Variants in ROBO2 observed in about 807,000 individuals in gnomAD.
The protein encoded by ROBO2 is roundabout homolog 2.
Under a neutral mutation model 160.8 loss-of-function variants are expected in ROBO2, and 53 were observed. That is an observed-to-expected ratio of 0.33 (90% CI 0.26 to 0.41). The LOEUF is 0.41. Among genes scored for constraint, ROBO2 ranks in the 10% least tolerant of loss-of-function variants. The pLI is 1.00. For synonymous variants in ROBO2, 664 were observed against 611.7 expected (o/e 1.09, Z -1.26); for missense variants, 1,577 against 1,722.4 (o/e 0.92, Z 1.49).
intron 2 of ROBO2, among the ~76,000 whole-genome samples, chr3:76,943,312 A>C (rs891464193): frequency 6.6e-6 from 1 of 152,114 alleles, no homozygotes; most frequent in Non-Finnish European, 1.5e-5. Context: ...ACTCGTTGCT[A>C]TCTGTTAGTA....
chr3:76,972,074 A>G (rs902369836), intron 2 of ROBO2, among the ~76,000 whole-genome samples: 4 of 152,116 alleles, frequency 2.6e-5, no homozygotes, highest in Admixed American at 2.0e-4. Context: ...TTCTTTTTTC[A>G]GTCTTTAACA....
intron 2 of ROBO2, among the ~76,000 whole-genome samples, chr3:76,853,208 A>T (rs558490731): frequency 2.6e-5 from 4 of 152,192 alleles, no homozygotes; most frequent in South Asian, 4.1e-4. Flanking sequence ...TAATGTTTTT[A>T]AAAAATATTT....
At chr3:75,951,862 C>T (rs1175435974) in intron 2 of ROBO2, among the ~76,000 whole-genome samples, 1 of 151,926 alleles carries the variant, frequency 6.6e-6, no homozygotes, top group Non-Finnish European at 1.5e-5. Flanking sequence ...CCCTTGTGTA[C>T]TTTATAAGTA....
intron 2 of ROBO2, among the ~76,000 whole-genome samples, chr3:76,208,894 C>T (rs1276174162): frequency 1.3e-5 from 2 of 152,060 alleles, no homozygotes; most frequent in Non-Finnish European, 2.9e-5. Context: ...ACAAGCTGAA[C>T]GTGTCTGGCT....
chr3:77,087,672 T>G (rs1259552390), intron 1 of ROBO2, among the ~76,000 whole-genome samples: 1 of 152,038 alleles, frequency 6.6e-6, no homozygotes, highest in African/African-American at 2.4e-5. Context: ...ATCTTCAATA[T>G]TATATATACA....
chr3:77,639,029 C>T (rs964200378), intron 24 of ROBO2, among the ~76,000 whole-genome samples: 1 of 151,746 alleles, frequency 6.6e-6, no homozygotes, highest in African/African-American at 2.4e-5. Flanking sequence ...AGGGTTTCAC[C>T]ATGAGGGCCA....
chr3:77,046,520 A>G (rs185364283), intron 1 of ROBO2, among the ~76,000 whole-genome samples: 54 of 152,276 alleles, frequency 3.5e-4, no homozygotes, highest in Non-Finnish European at 7.1e-4. Context: ...ATTTGCAGCT[A>G]TATTGCACAA....
At chr3:75,933,187 T>C (rs898877100) in intron 1 of ROBO2, among the ~76,000 whole-genome samples, 16 of 152,192 alleles carry the variant, frequency 1.1e-4, no homozygotes, top group Admixed American at 1.0e-3. Flanking sequence ...ATGAAAATTT[T>C]CCATTGAAAA....
chr3:77,281,389 C>G (rs757385208), intron 2 of ROBO2, among the ~76,000 whole-genome samples: 2 of 151,942 alleles, frequency 1.3e-5, no homozygotes, highest in Admixed American at 1.3e-4. Flanking sequence ...TTTTTCTAGA[C>G]AGTGTTAGTG....
intron 2 of ROBO2, among the ~76,000 whole-genome samples, chr3:76,120,348 T>TTGTGAG (rs1431511275): frequency 6.6e-6 from 1 of 151,702 alleles, no homozygotes; most frequent in Non-Finnish European, 1.5e-5. Flanking sequence ...AGATCACAGG[T>TTGTGAG]TGTGAGTGGT....
At chr3:76,161,326 C>A (rs112718286) in intron 2 of ROBO2, among the ~76,000 whole-genome samples, 1 of 152,082 alleles carries the variant, frequency 6.6e-6, no homozygotes, top group African/African-American at 2.4e-5. Flanking sequence ...TGTTTATTCT[C>A]GAGCTATTTT....
intron 2 of ROBO2, among the ~76,000 whole-genome samples, chr3:76,275,956 G>A (rs912385151): frequency 6.6e-6 from 1 of 151,930 alleles, no homozygotes; most frequent in Non-Finnish European, 1.5e-5. Flanking sequence ...GTTTTTTAAT[G>A]GATGTTTTCA....
At chr3:76,819,848 C>T (rs1326550855) in intron 2 of ROBO2, among the ~76,000 whole-genome samples, 2 of 152,170 alleles carry the variant, frequency 1.3e-5, no homozygotes, top group African/African-American at 4.8e-5. Context: ...TGTTGTACTG[C>T]AGTTTCAATT....
At chr3:77,410,620 T>TCCTCCTCCTCCTCTTCCTCCTTCTC (rs1560757888) in intron 2 of ROBO2, among the ~76,000 whole-genome samples, 4 of 18,502 alleles carry the variant, frequency 2.2e-4, no homozygotes, top group South Asian at 2.6e-3. Flanking sequence ...TCCTCCTTCT[T>TCCTCCTCCTCCTCTTCCTCCTTCTC]CTCCTCCTCT....
chr3:76,635,099 G>A (rs1014069882), intron 2 of ROBO2, among the ~76,000 whole-genome samples: 1 of 152,136 alleles, frequency 6.6e-6, no homozygotes, highest in African/African-American at 2.4e-5. Flanking sequence ...GTCGGGGACC[G>A]CTGCTATTAC....
intron 2 of ROBO2, among the ~76,000 whole-genome samples, chr3:77,372,271 A>G (rs1487048200): frequency 1.3e-5 from 2 of 152,140 alleles, no homozygotes; most frequent in Non-Finnish European, 1.5e-5. Flanking sequence ...GTCAATTCTT[A>G]TATCAGGAAG....
chr3:77,502,496 T>C (rs1362745205), intron 5 of ROBO2, among the ~76,000 whole-genome samples: 11 of 152,176 alleles, frequency 7.2e-5, no homozygotes, highest in Admixed American at 6.6e-4. Context: ...TTAACTTGTA[T>C]TCTTTTCTTC....
intron 2 of ROBO2, among the ~76,000 whole-genome samples, chr3:76,499,743 A>G (rs565090652): frequency 6.6e-6 from 1 of 152,336 alleles, no homozygotes; most frequent in African/African-American, 2.4e-5. Context: ...AAGAGTATAC[A>G]TTAAAACTAT....
chr3:76,155,350 G>A (rs962975602), intron 2 of ROBO2, among the ~76,000 whole-genome samples: 4 of 152,038 alleles, frequency 2.6e-5, no homozygotes, highest in Admixed American at 2.6e-4. Context: ...CAATCTGCCA[G>A]ATATGCAGAG....
Sources: allele counts gnomAD v4.1 joint callset (sites outside exome capture counted in the v4.1 genomes callset), GRCh38; gene constraint gnomAD v4.1.1; transcripts MANE v1.5; gene names NCBI Gene and HGNC (gene_info 2026-07-23, HGNC 2026-07-21).